Variants in SRGAP1 observed in about 807,000 individuals in gnomAD.
The protein encoded by SRGAP1 is SLIT-ROBO Rho GTPase-activating protein 1.
Under a neutral mutation model 121.9 loss-of-function variants are expected in SRGAP1, and 43 were observed. The ratio of observed to expected loss-of-function variants is 0.35; its 90% CI spans 0.28 to 0.46. The LOEUF (loss-of-function observed/expected upper bound fraction) is 0.46. Ranked by LOEUF, SRGAP1 falls within the 20% of genes least tolerant of loss-of-function variation. The probability of loss-of-function intolerance (pLI) is 1.00; values close to 1 mark genes in which losing one functional copy is unlikely to be tolerated. For missense variants in SRGAP1, 1,102 were observed against 1,350.9 expected (o/e 0.82, Z 2.89); for synonymous variants, 447 against 485.4 (o/e 0.92, Z 1.04).
At chr12:63,957,439 C>A (rs1196180245) in intron 1 of SRGAP1, among the ~76,000 whole-genome samples, 2 of 152,096 alleles carry the variant, frequency 1.3e-5, no homozygotes, top group Non-Finnish European at 2.9e-5. Context: ...TATGATGGGA[C>A]ATCCACAAGT....
At chr12:63,930,260 G>A (rs983986669) in intron 1 of SRGAP1, among the ~76,000 whole-genome samples, 1 of 150,710 alleles carries the variant, frequency 6.6e-6, no homozygotes. Flanking sequence ...GGAGGCTGTG[G>A]TGGGCAGATC....
intron 4 of SRGAP1, among the ~76,000 whole-genome samples, chr12:64,021,518 C>T (rs2034548162): frequency 6.6e-6 from 1 of 152,160 alleles, no homozygotes; most frequent in South Asian, 2.1e-4. Flanking sequence ...AACTAAGGCT[C>T]AGAGGGACTT....
At position 64,095,184 on chromosome 12, in the gene SRGAP1, T is replaced by C. The variant is rs774415022; in HGVS notation, c.1658T>C (p.Ile553Thr). Residue 553 changes from isoleucine to threonine, a missense_variant, in exon 14 of 22, where the codon ATT becomes ACT. Around this residue, in one of 3 missense-constraint regions of SRGAP1, gnomAD observed 747 missense variants for 929.4 expected, o/e 0.80. Coordinates refer to ENST00000355086, the MANE Select transcript of SRGAP1 (RefSeq NM_020762.4). ...VSGSQVEVND[I>T]KNSFERGENP... ...GGTTCCCAGGTGGAAGTCAATGATA[T>C]TAAAAATTCATTTGAGAGAGGTAAT... is the stretch of plus-strand genomic sequence containing the variant. 1.4e-5 allele frequency: 22 copies of C among 1,613,936 alleles called. No individual in the cohort carries two copies. In the East Asian group the frequency reaches 3.6e-4, roughly 26 times the overall value.
intron 1 of SRGAP1, among the ~76,000 whole-genome samples, chr12:63,956,546 G>C (rs1226641931): frequency 6.6e-6 from 1 of 152,160 alleles, no homozygotes; most frequent in Non-Finnish European, 1.5e-5. Flanking sequence ...TTGGGTGCTG[G>C]ATAGCAGAGA....
chr12:63,885,280 C>A (rs1490912594), intron 1 of SRGAP1, among the ~76,000 whole-genome samples: 1 of 152,080 alleles, frequency 6.6e-6, no homozygotes, highest in Non-Finnish European at 1.5e-5. Flanking sequence ...TGGAGTGGCT[C>A]ACAGAACTTA....
At chr12:64,052,534 G>A (rs1055994588) in intron 6 of SRGAP1, among the ~76,000 whole-genome samples, 5 of 150,092 alleles carry the variant, frequency 3.3e-5, no homozygotes, top group African/African-American at 1.2e-4. Context: ...CAGCCTAGGC[G>A]ACAAGAAGAA....
Position 64,070,091 on chromosome 12 carries a change from G to A in SRGAP1, c.1125+4872G>A, listed in dbSNP as rs369683375. Among the ~76,000 whole-genome samples, 148 of 152,210 alleles carry A rather than the reference G, an allele frequency of 9.7e-4. 1 individual carries two copies. The highest frequency in any genetic ancestry group is 3.4e-3 in the African/African-American group (143 of 41,542). ...TGCTCTTAAAGGCAACTTTTCAAAAGCAAACTAAATGATCATTTATACCTT... is the reference window on the plus strand; with the variant it reads ...TGCTCTTAAAGGCAACTTTTCAAAAACAAACTAAATGATCATTTATACCTT... On this transcript the variant is annotated intron_variant, in intron 8 of 21. Transcript: ENST00000355086.
intron 8 of SRGAP1, among the ~76,000 whole-genome samples, chr12:64,071,138 A>T (rs1266957221): frequency 2.0e-5 from 3 of 152,182 alleles, no homozygotes; most frequent in Non-Finnish European, 4.4e-5. Flanking sequence ...TAAAAATAGG[A>T]TCAACCGTCT....
chr12:63,975,030 A>C (rs970771909), intron 1 of SRGAP1, among the ~76,000 whole-genome samples: 1 of 152,144 alleles, frequency 6.6e-6, no homozygotes, highest in Non-Finnish European at 1.5e-5. Context: ...TCATATCTAG[A>C]ACTTGTATTT....
intron 1 of SRGAP1, among the ~76,000 whole-genome samples, chr12:63,932,681 T>C (rs2031521582): frequency 6.6e-6 from 1 of 152,072 alleles, no homozygotes; most frequent in Admixed American, 6.6e-5. Flanking sequence ...ATTTTAAGAG[T>C]TTACTAGTCT....
intron 1 of SRGAP1, among the ~76,000 whole-genome samples, chr12:63,913,480 T>TGG (rs1555238829): frequency 0.081 from 8,817 of 108,370 alleles, 431 homozygotes; most frequent in East Asian, 0.23. Context: ...TATATATGGA[T>TGG]ATATATATAT....
chr12:63,992,347 C>T (rs1396084294), intron 3 of SRGAP1, among the ~76,000 whole-genome samples: 1 of 152,130 alleles, frequency 6.6e-6, no homozygotes, highest in East Asian at 1.9e-4. Flanking sequence ...GGAGATCATT[C>T]CAGAGATTCA....
intron 21 of SRGAP1, among the ~76,000 whole-genome samples, chr12:64,141,000 TTCTCAG>T (rs2036948459): frequency 8.5e-6 from 1 of 117,204 alleles, no homozygotes; most frequent in South Asian, 3.1e-4. Context: ...GAAATCATCA[TTCTCAG>T]TAAACTATCG....
chr12:64,104,232 C>T (rs143481225), intron 15 of SRGAP1, among the ~76,000 whole-genome samples: 20 of 152,246 alleles, frequency 1.3e-4, no homozygotes, highest in Middle Eastern at 3.4e-3. Context: ...CTATCTAACC[C>T]GCCTGCTGGG....
chr12:63,973,381 A>G (rs2033011209), intron 1 of SRGAP1, among the ~76,000 whole-genome samples: 1 of 152,206 alleles, frequency 6.6e-6, no homozygotes. Flanking sequence ...GGAGTCAGAC[A>G]AACCTGAATG....
At chr12:64,019,647 ACT>A (rs1476660577) in intron 4 of SRGAP1, among the ~76,000 whole-genome samples, 1 of 152,034 alleles carries the variant, frequency 6.6e-6, no homozygotes, top group African/African-American at 2.4e-5. Flanking sequence ...AGATACACAA[ACT>A]CTGTCTTGTT....
intron 3 of SRGAP1, among the ~76,000 whole-genome samples, 175 bp from the exon 4 acceptor site, chr12:64,016,775 T>A (rs1388980551): frequency 1.3e-5 from 2 of 152,246 alleles, no homozygotes; most frequent in Admixed American, 6.5e-5. Flanking sequence ...GTTTATCTTA[T>A]GGGGACCATC....
chr12:63,870,048 T>C (rs888564154), intron 1 of SRGAP1, among the ~76,000 whole-genome samples: 4 of 152,164 alleles, frequency 2.6e-5, no homozygotes, highest in Admixed American at 1.3e-4. Flanking sequence ...GATGCCACCT[T>C]AAAAAAAGGT....
intron 3 of SRGAP1, among the ~76,000 whole-genome samples, chr12:64,010,192 C>A (rs1215542021): frequency 6.6e-6 from 1 of 152,104 alleles, no homozygotes; most frequent in Non-Finnish European, 1.5e-5. Context: ...CTCTTTTACT[C>A]CCGCGGTGAC....
Sources: allele counts gnomAD v4.1 joint callset (sites outside exome capture counted in the v4.1 genomes callset), GRCh38; gene constraint gnomAD v4.1.1; regional missense constraint gnomAD v4.1.1; transcripts MANE v1.5; gene names NCBI Gene and HGNC (gene_info 2026-07-23, HGNC 2026-07-21).